Variants in ABCC11 observed in about 807,000 individuals in gnomAD.
The protein encoded by ABCC11 is ATP-binding cassette sub-family C member 11.
A neutral mutation model predicts 149.3 loss-of-function variants in ABCC11; 135 were observed. The observed-to-expected ratio is 0.90, with a 90% CI of 0.79 to 1.04. The LOEUF (loss-of-function observed/expected upper bound fraction) is 1.04, where lower values mean the gene tolerates loss of function less well. ABCC11 is among the 50% of genes least tolerant of loss of function. ABCC11 has a pLI of 0.00. For missense variants in ABCC11, 1,680 were observed against 1,722.1 expected (o/e 0.98, Z 0.43); for synonymous variants, 665 against 671.4 (o/e 0.99, Z 0.15).
chr16:48,186,615 T>C (rs996060867), intron 22 of ABCC11, among the ~76,000 whole-genome samples: 6 of 152,222 alleles, frequency 3.9e-5, no homozygotes, highest in African/African-American at 7.2e-5. Context: ...TAAAGATAGA[T>C]ATTTGTTTGG....
intron 1 of ABCC11, among the ~76,000 whole-genome samples, chr16:48,241,072 T>G (rs146963192): frequency 6.1e-4 from 93 of 152,186 alleles, no homozygotes; most frequent in African/African-American, 2.1e-3. Flanking sequence ...GTAGCTGGGA[T>G]TACAGGCACG....
chr16:48,172,717 A>G (rs2150719742), intron 26 of ABCC11, among the ~76,000 whole-genome samples: 1 of 152,250 alleles, frequency 6.6e-6, no homozygotes, highest in East Asian at 1.9e-4. Context: ...AATACTTGCT[A>G]TTTACCTTTT....
intron 7 of ABCC11, 150 bp downstream of exon 7, chr16:48,215,964 T>C (rs774824527): frequency 1.6e-5 from 13 of 812,300 alleles, no homozygotes; most frequent in East Asian, 5.0e-5. Flanking sequence ...GGCCAGAGAA[T>C]AGTTTGAAGT....
At chr16:48,234,692 T>C (rs1205607665) in intron 1 of ABCC11, among the ~76,000 whole-genome samples, 4 of 152,058 alleles carry the variant, frequency 2.6e-5, no homozygotes, top group African/African-American at 7.2e-5. Context: ...ACAACCCAGG[T>C]TGCAAACAGC....
At chr16:48,179,047 T>C (rs146379762) in intron 23 of ABCC11, among the ~76,000 whole-genome samples, 3 of 152,294 alleles carry the variant, frequency 2.0e-5, no homozygotes, top group Admixed American at 6.5e-5. Context: ...CTTTGACTGA[T>C]GGGGAACAAG....
intron 7 of ABCC11, among the ~76,000 whole-genome samples, chr16:48,215,804 A>C (rs748262601): frequency 2.0e-5 from 3 of 152,258 alleles, no homozygotes; most frequent in Admixed American, 6.5e-5. Flanking sequence ...TTACATCAGC[A>C]CATTCTGGGG....
intron 13 of ABCC11, among the ~76,000 whole-genome samples, chr16:48,204,023 T>TA (rs1336447731): frequency 1.3e-5 from 2 of 152,248 alleles, no homozygotes; most frequent in African/African-American, 4.8e-5. Context: ...ATAAATTATT[T>TA]AACCAGTGGC....
intron 2 of ABCC11, among the ~76,000 whole-genome samples, chr16:48,231,107 T>A (rs1951592459): frequency 6.6e-6 from 1 of 151,978 alleles, no homozygotes; most frequent in African/African-American, 2.4e-5. Flanking sequence ...TAGGAAGGGT[T>A]GGGGAATGAC....
intron 25 of ABCC11, 129 bp downstream of exon 25, chr16:48,176,795 G>A (rs1042210538): frequency 3.4e-5 from 38 of 1,120,236 alleles, no homozygotes; most frequent in Middle Eastern, 6.1e-4. Flanking sequence ...TCTAGCACAG[G>A]GCCCAGCACA....
chr16:48,228,758 G>T (rs577300025), intron 3 of ABCC11, among the ~76,000 whole-genome samples: 2 of 152,210 alleles, frequency 1.3e-5, no homozygotes, highest in Admixed American at 6.5e-5. Flanking sequence ...AGGTCCTCAA[G>T]GCTTTAATTC....
rs575580716 is a variant in ABCC11 at position 48,166,722 on chromosome 16, A to G, written c.*552T>C. 1.1e-4 allele frequency among the ~76,000 whole-genome samples: 16 copies of G among 152,306 alleles called. No homozygotes were observed. In the East Asian group the frequency reaches 2.3e-3, roughly 22 times the overall value. On this transcript the variant is annotated 3_prime_UTR_variant, in exon 30 of 30. Transcript: ENST00000356608. The stretch of plus-strand genomic sequence containing the variant: ...TCTACTAAAAATACAAAAATTAGCC[A>G]GTCATGGTGGCACATGCTTGTAATC...
chr16:48,244,496 C>T, intron 1 of ABCC11: 1 of 1,598,546 alleles, frequency 6.3e-7, no homozygotes, highest in Non-Finnish European at 8.5e-7. Flanking sequence ...TGGACTCGGC[C>T]CGCAACCTGC....
At chr16:48,188,036 G>A (rs1481388918) in intron 20 of ABCC11, among the ~76,000 whole-genome samples, 1 of 152,184 alleles carries the variant, frequency 6.6e-6, no homozygotes, top group Non-Finnish European at 1.5e-5. Flanking sequence ...TCAATGACTT[G>A]ATGACTTGGA....
In ABCC11 at chr16:48,176,943, G is replaced by A. The variant is rs370633599; in HGVS notation, c.3519C>T (p.Ile1173=). The A allele has an allele frequency of 1.2e-5, 20 of 1,613,782 alleles. No individual in the cohort carries two copies. Among genetic ancestry groups the A allele is most frequent in the Admixed American group, 8.3e-5 (5 of 60,000 alleles). ...LTIRGHEVVG[I]VGRTGSGKSS... The stretch of plus-strand genomic sequence containing the variant: ...GCTCACCAGAGCCCGTCCTTCCCAC[G>A]ATGCCCACCACTTCGTGGCCGCGGA... The change falls in exon 25 of 30, where the codon ATC becomes ATT. Residue 1173 remains isoleucine (I), a synonymous_variant. Transcript: ENST00000356608.
rs769508243 is a variant in ABCC11, at chr16:48,184,615, A to C, written c.3083T>G (p.Leu1028Arg). The change falls in exon 23 of 30, where the codon CTG becomes CGG. Residue 1028 changes from leucine (L) to arginine (R), a missense_variant. By Grantham distance (102) the Leu-to-Arg change is moderately radical. Coordinates refer to ENST00000356608, the MANE Select transcript of ABCC11 (RefSeq NM_001370497.1). ...TEDFISQFKR[L>R]TDAQNNYLLL... ...CAGGTAGTTATTCTGCGCATCAGTC[A>C]GCCTCTTAAACCTGAGAAGGAAAGC... The C allele has an allele frequency of 1.2e-6, 2 of 1,614,062 alleles. No individual in the cohort carries two copies. Among genetic ancestry groups the C allele is most frequent in the East Asian group, 4.5e-5 (2 of 44,884 alleles).
At chr16:48,179,560 A>C (rs1480481656) in intron 23 of ABCC11, among the ~76,000 whole-genome samples, 1 of 152,218 alleles carries the variant, frequency 6.6e-6, no homozygotes, top group Non-Finnish European at 1.5e-5. Flanking sequence ...GCTCTGTGCC[A>C]GGTGCTGGAC....
chr16:48,245,267 C>T (rs1971300914), intron 1 of ABCC11, among the ~76,000 whole-genome samples: 1 of 152,282 alleles, frequency 6.6e-6, no homozygotes, highest in Middle Eastern at 3.4e-3. Context: ...TAGCTTCTCA[C>T]CTCTGCTCCT....
intron 1 of ABCC11, among the ~76,000 whole-genome samples, chr16:48,239,901 T>C (rs933123771): frequency 6.6e-6 from 1 of 152,214 alleles, no homozygotes; most frequent in Admixed American, 6.5e-5. Flanking sequence ...AAGATATTCA[T>C]GTGGCCAACA....
At position 48,203,151 on chromosome 16, in the gene ABCC11, C is replaced by T. The variant is rs1241011127; in HGVS notation, c.1878+77G>A. On this transcript the variant is annotated intron_variant, in intron 14 of 29. Transcript: ENST00000356608. ...TGGGAGGAAGAGCTGGGATTCCTCC[C>T]TTCCCTGCCTGGGGAGGCAGCATGA... 4.9e-6 allele frequency: 7 copies of T among 1,425,680 alleles called. No homozygotes were observed. In the East Asian group the frequency reaches 7.5e-5, roughly 15 times the overall value. The allele number at this position is 1,425,680 out of a possible 1,614,324, so 88.3% of individuals were successfully genotyped here. A position where few individuals can be genotyped will look rare whatever the true frequency, so the allele number is the denominator to read the frequency against.
Sources: allele counts gnomAD v4.1 joint callset (sites outside exome capture counted in the v4.1 genomes callset), GRCh38; gene constraint gnomAD v4.1.1; transcripts MANE v1.5; gene names NCBI Gene and HGNC (gene_info 2026-07-23, HGNC 2026-07-21).